SULF2: variants seen among roughly 807,000 people sequenced by gnomAD.
SULF2 encodes extracellular sulfatase Sulf-2.
In SULF2, 52 loss-of-function variants were observed where a neutral mutation model predicts 107.7. The observed-to-expected ratio is 0.48, with a 90% CI of 0.39 to 0.61. The LOEUF is 0.61. SULF2 is among the 20% of genes least tolerant of loss of function. The pLI, the probability that SULF2 is intolerant of heterozygous loss-of-function variation, is 0.00. For synonymous variants in SULF2, 460 were observed against 464.3 expected (o/e 0.99, Z 0.12); for missense variants, 993 against 1,177.3 (o/e 0.84, Z 2.29).
chr20:47,748,401 G>T (rs186270140), intron 2 of SULF2, among the ~76,000 whole-genome samples: 1 of 152,308 alleles, frequency 6.6e-6, no homozygotes, highest in African/African-American at 2.4e-5. Flanking sequence ...GCCCTCACTG[G>T]GACCCTTGCT....
Position 47,757,202 on chromosome 20 carries a change from C to T in SULF2, c.162G>A (p.Gln54=). The change falls in exon 2 of 21, where the codon CAG becomes CAA. Residue 54 remains glutamine (Q), a synonymous_variant. Transcript: ENST00000688720. ...CCCGAGGCTTACCCAGCTCCACATC[C>T]TGGTCGTCCGTCAGCACCAGGATGA... ...PNIILVLTDD[Q]DVELGSMQVM... 1 of 1,556,292 alleles carries T rather than the reference C, an allele frequency of 6.4e-7. No individual in the cohort carries two copies.
chr20:47,684,213 CGT>C (rs2087920265), intron 6 of SULF2: 1 of 471,234 alleles, frequency 2.1e-6, no homozygotes, highest in African/African-American at 2.0e-5. Context: ...ATATGGTTAC[CGT>C]ATTGGGCAAC....
intron 10 of SULF2, among the ~76,000 whole-genome samples, chr20:47,673,789 C>T (rs1327432601): frequency 6.6e-6 from 1 of 152,228 alleles, no homozygotes; most frequent in Non-Finnish European, 1.5e-5. Flanking sequence ...CTGTGACCGG[C>T]TATACCCATC....
chr20:47,725,540 C>T (rs1257325568), intron 3 of SULF2, among the ~76,000 whole-genome samples: 1 of 152,180 alleles, frequency 6.6e-6, no homozygotes, highest in Non-Finnish European at 1.5e-5. Context: ...CAGAGTTTAA[C>T]CCCTAGGGGG....
intron 1 of SULF2, among the ~76,000 whole-genome samples, chr20:47,767,544 G>C (rs752796378): frequency 2.8e-4 from 43 of 152,208 alleles, no homozygotes; most frequent in Non-Finnish European, 5.4e-4. Context: ...ACTTTGGGAG[G>C]CTGCGGCAGG....
At chr20:47,661,965 C>A in intron 17 of SULF2, 69 bp from the exon 18 acceptor site, 1 of 1,376,012 alleles carries the variant, frequency 7.3e-7, no homozygotes, top group Non-Finnish European at 9.5e-7. Flanking sequence ...TTCTACCAAC[C>A]AGGGGACATA....
At chr20:47,668,990 T>G (rs2087373779) in intron 11 of SULF2, among the ~76,000 whole-genome samples, 1 of 152,204 alleles carries the variant, frequency 6.6e-6, no homozygotes, top group South Asian at 2.1e-4. Context: ...TTGTTCTCAT[T>G]AAATGTCCAT....
At chr20:47,682,473 C>T (rs573015795) in intron 7 of SULF2, among the ~76,000 whole-genome samples, 6 of 152,360 alleles carry the variant, frequency 3.9e-5, no homozygotes, top group Admixed American at 1.3e-4. Context: ...GCTGCCAGAA[C>T]ATGTCAACTC....
rs1305155219 is a variant in SULF2 at position 47,757,190 on chromosome 20, C to T, written c.174G>A (p.Leu58=). The change falls in exon 2 of 21, where the codon CTG becomes CTA. Residue 58 remains leucine, a splice_region_variant and synonymous_variant. Transcript: ENST00000688720. ...CCACCCTGGGGCCCCGAGGCTTACC[C>T]AGCTCCACATCCTGGTCGTCCGTCA... ...LVLTDDQDVE[L]GSMQVMNKTR... 6.4e-7 allele frequency: 1 copy of T among 1,551,854 alleles called. No homozygotes were observed. The highest frequency in any genetic ancestry group is 1.7e-4 in the Middle Eastern group (1 of 5,958).
chr20:47,682,973 C>T, intron 7 of SULF2, 21 bp downstream of exon 7: 4 of 1,576,084 alleles, frequency 2.5e-6, no homozygotes, highest in South Asian at 1.2e-5. Flanking sequence ...TCCCTGGGTC[C>T]CTGGGGGATG....
At chr20:47,778,279 C>A (rs941858469) in intron 1 of SULF2, among the ~76,000 whole-genome samples, 2 of 152,228 alleles carry the variant, frequency 1.3e-5, no homozygotes, top group Non-Finnish European at 2.9e-5. Context: ...CCAAACACAT[C>A]TTTGGTACTA....
At chr20:47,688,815 C>T (rs1447645179) in intron 5 of SULF2, among the ~76,000 whole-genome samples, 1 of 151,876 alleles carries the variant, frequency 6.6e-6, no homozygotes, top group Non-Finnish European at 1.5e-5. Flanking sequence ...TGAGCTGCTT[C>T]GAGGTCTGTC....
intron 1 of SULF2, among the ~76,000 whole-genome samples, chr20:47,780,358 G>A (rs2090807418): frequency 6.6e-6 from 1 of 151,986 alleles, no homozygotes; most frequent in Non-Finnish European, 1.5e-5. Flanking sequence ...CAGGTGTCTT[G>A]GACAGGCCCC....
rs6012255 is a variant in SULF2, at chr20:47,735,915, A to G, written c.415+788T>C. Among the ~76,000 whole-genome samples the G allele has an allele frequency of 3.2e-3, 484 of 152,320 alleles. 1 individual carries two copies. The highest frequency in any genetic ancestry group is 0.011 in the African/African-American group (439 of 41,572). On this transcript the variant is annotated intron_variant, in intron 3 of 20. Coordinates refer to ENST00000688720, the MANE Select transcript of SULF2 (RefSeq NM_001387048.1). ...CCCAAACAAACCCCTTGTCACTTGG[A>G]TGCAACTTCCTGGGGTTGCAACATC...
Position 47,736,595 on chromosome 20 carries a change from G to C in SULF2, c.415+108C>G, listed in dbSNP as rs1036381124. On this transcript the variant is annotated intron_variant, in intron 3 of 20. Transcript: ENST00000688720. ...CTGAAATTATAAGAGAGTTGCTCTA[G>C]GGGCTATCCAGAATCAACTTGGGTA... 2.4e-5 allele frequency: 34 copies of C among 1,431,520 alleles called. No individual in the cohort carries two copies. The Middle Eastern group carries it at 7.3e-4, about 31-fold the overall frequency. The allele number at this position is 1,431,520 out of a possible 1,614,324, so 88.7% of individuals were successfully genotyped here. A position where few individuals can be genotyped will look rare whatever the true frequency, so the allele number is the denominator to read the frequency against.
intron 17 of SULF2, 79 bp from the exon 18 acceptor site, chr20:47,661,975 A>G: frequency 7.4e-7 from 1 of 1,349,472 alleles, no homozygotes; most frequent in Non-Finnish European, 9.7e-7. Context: ...CAGGGGACAT[A>G]TTTCAGGCAG....
At chr20:47,660,819 A>C (rs1017725108) in intron 18 of SULF2, among the ~76,000 whole-genome samples, 1 of 152,056 alleles carries the variant, frequency 6.6e-6, no homozygotes, top group Non-Finnish European at 1.5e-5. Flanking sequence ...TTCTAAACTT[A>C]AAACTGCAGA....
chr20:47,735,131 T>G (rs527680743), intron 3 of SULF2, among the ~76,000 whole-genome samples: 31 of 152,306 alleles, frequency 2.0e-4, no homozygotes, highest in Middle Eastern at 3.4e-3. Context: ...ACTTTGACTC[T>G]GGGCAGGTCT....
intron 1 of SULF2, among the ~76,000 whole-genome samples, chr20:47,779,190 G>A (rs1262797005): frequency 6.6e-6 from 1 of 152,130 alleles, no homozygotes; most frequent in African/African-American, 2.4e-5. Flanking sequence ...TTCACTGTGG[G>A]GTCATCCCGT....
Sources: allele counts gnomAD v4.1 joint callset (sites outside exome capture counted in the v4.1 genomes callset), GRCh38; gene constraint gnomAD v4.1.1; transcripts MANE v1.5; gene names NCBI Gene and HGNC (gene_info 2026-07-23, HGNC 2026-07-21).